KDM3B: variants seen among roughly 807,000 people sequenced by gnomAD.
KDM3B encodes the protein lysine demethylase 3B.
A neutral mutation model predicts 170.0 loss-of-function variants in KDM3B; 10 were observed. The observed-to-expected ratio is 0.06, with a 90% confidence interval of 0.04 to 0.10. The LOEUF is 0.10. KDM3B is among the 10% of genes least tolerant of loss of function. The pLI, the probability that KDM3B is intolerant of heterozygous loss-of-function variation, is 1.00. For missense variants in KDM3B, 1,394 were observed against 2,195.2 expected (o/e 0.64, Z 7.29); for synonymous variants, 831 against 834.8 (o/e 1.00, Z 0.08).
intron 17 of KDM3B, 94 bp downstream of exon 17, chr5:138,425,676 G>A: frequency 9.2e-7 from 1 of 1,086,204 alleles, no homozygotes; most frequent in Non-Finnish European, 1.3e-6. Context: ...TTATATTCTG[G>A]GGCATAATGG....
At chr5:138,393,146 T>C in intron 8 of KDM3B, 25 bp from the exon 9 acceptor site, 1 of 1,611,528 alleles carries the variant, frequency 6.2e-7, no homozygotes, top group Non-Finnish European at 8.5e-7. Flanking sequence ...CATGACAAAC[T>C]TTTCTTCTCT....
chr5:138,364,814 G>A (rs1235323023), intron 1 of KDM3B, among the ~76,000 whole-genome samples: 1 of 152,194 alleles, frequency 6.6e-6, no homozygotes, highest in Admixed American at 6.5e-5. Context: ...TGGGAGAGGT[G>A]GGATGCAAAT....
At position 138,419,062 on chromosome 5, in the gene KDM3B, A is replaced by G; in HGVS notation, c.3545A>G (p.Asp1182Gly). 2 of 1,614,234 alleles carry G rather than the reference A, an allele frequency of 1.2e-6. No homozygotes were observed. Among genetic ancestry groups the G allele is most frequent in the East Asian group, 2.2e-5 (1 of 44,892 alleles). ...TPEPDHVPKA[D>G]STDIRSEEPL... ...GAGCCGGACCATGTTCCCAAAGCCG[A>G]CAGCACTGACATCAGATCTGAAGAG... Residue 1182 changes from aspartate to glycine, a missense_variant, in exon 14 of 24, where the codon GAC (aspartate) becomes GGC (glycine). Physicochemically the swap from Asp to Gly is moderately conservative, Grantham distance 94 (BLOSUM62 -1). Transcript: ENST00000314358.
intron 2 of KDM3B, among the ~76,000 whole-genome samples, chr5:138,374,637 A>C (rs1416857920): frequency 6.6e-6 from 1 of 152,202 alleles, no homozygotes; most frequent in Non-Finnish European, 1.5e-5. Flanking sequence ...AGGTCTCTTC[A>C]TGACTTTTTT....
chr5:138,421,742 A>G (rs1763278306), intron 15 of KDM3B, among the ~76,000 whole-genome samples: 1 of 152,256 alleles, frequency 6.6e-6, no homozygotes, highest in South Asian at 2.1e-4. Flanking sequence ...AATATAAGTC[A>G]GATCATATCT....
chr5:138,425,049 T>C (rs1165605893), intron 16 of KDM3B, among the ~76,000 whole-genome samples: 2 of 152,176 alleles, frequency 1.3e-5, no homozygotes, highest in Non-Finnish European at 2.9e-5. Context: ...CACTCCCTAG[T>C]TTAAAAACTT....
intron 11 of KDM3B, among the ~76,000 whole-genome samples, chr5:138,411,138 T>C (rs908711242): frequency 1.3e-5 from 2 of 152,114 alleles, no homozygotes; most frequent in East Asian, 3.9e-4. Flanking sequence ...TTTTCGCTAC[T>C]GCTAGACCAC....
chr5:138,434,520 C>T (rs868691604), intron 23 of KDM3B, among the ~76,000 whole-genome samples: 23 of 148,110 alleles, frequency 1.6e-4, no homozygotes, highest in African/African-American at 5.3e-4. Context: ...TGCACTCCAG[C>T]GTGGGCAACA....
intron 10 of KDM3B, among the ~76,000 whole-genome samples, chr5:138,399,383 C>A (rs1762624552): frequency 6.6e-6 from 1 of 151,216 alleles, no homozygotes; most frequent in South Asian, 2.1e-4. Context: ...ACTAAAAATA[C>A]AAAAATTAGC....
intron 1 of KDM3B, among the ~76,000 whole-genome samples, chr5:138,361,863 T>C (rs1263511546): frequency 6.6e-6 from 1 of 152,224 alleles, no homozygotes; most frequent in African/African-American, 2.4e-5. Context: ...TTGTAGTTTT[T>C]CTTGTTATAG....
chr5:138,360,951 C>A (rs960327537), intron 1 of KDM3B, among the ~76,000 whole-genome samples: 6 of 152,166 alleles, frequency 3.9e-5, no homozygotes, highest in African/African-American at 1.4e-4. Flanking sequence ...GCCAAGGGTT[C>A]ATTCCCTTTT....
Position 138,435,769 on chromosome 5 carries a change from G to C in KDM3B, c.*69G>C. On this transcript the variant is annotated 3_prime_UTR_variant, in exon 24 of 24. Coordinates refer to ENST00000314358, the MANE Select transcript of KDM3B (RefSeq NM_016604.4). ...TCACAACACTTAACAGGGAACGGCA[G>C]GGCTCTTTGCTGGAGCAGAGGCCCT... The C allele has an allele frequency of 2.4e-6, 3 of 1,262,158 alleles. No individual in the cohort carries two copies. The highest frequency in any genetic ancestry group is 2.5e-5 in the South Asian group (2 of 79,126). 78.2% of individuals were successfully genotyped at this position (1,262,158 alleles called of 1,614,324 possible).
At chr5:138,418,119 G>A (rs1343989558) in intron 13 of KDM3B, 1 of 112,146 alleles carries the variant, frequency 8.9e-6, no homozygotes, top group Admixed American at 1.3e-4. Context: ...TTGCTCTGTT[G>A]CCCATACTGG....
At chr5:138,403,792 A>G (rs1580925305) in intron 11 of KDM3B, among the ~76,000 whole-genome samples, 1 of 151,460 alleles carries the variant, frequency 6.6e-6, no homozygotes, top group East Asian at 1.9e-4. Context: ...GAGGAGTTCA[A>G]TTCCAGCCTA....
chr5:138,407,843 C>T (rs1428285079), intron 11 of KDM3B, among the ~76,000 whole-genome samples: 2 of 152,134 alleles, frequency 1.3e-5, no homozygotes, highest in Non-Finnish European at 2.9e-5. Context: ...CGTCCAACAG[C>T]CCCTAATAGT....
rs1197462502 is a variant in KDM3B at position 138,352,896 on chromosome 5, C to G, written c.101C>G (p.Ala34Gly). Residue 34 changes from alanine to glycine, a missense_variant, in exon 1 of 24, where the codon GCG (alanine) becomes GGG (glycine). By Grantham distance (60) the Ala-to-Gly change is moderately conservative. This residue lies in a region of KDM3B where 99 missense variants were observed against 97.5 expected (regional missense o/e 1.02). Transcript: ENST00000314358. The part of the protein sequence containing the change: ...ASASAPAAAA[A>G]SGDPGPALRT... ...GCCTCGGCTCCCGCGGCGGCAGCGG[C>G]GAGCGGAGATCCGGGGCCTGCGCTG... The G allele has an allele frequency of 7.3e-7, 1 of 1,375,736 alleles. No individual in the cohort carries two copies. Among genetic ancestry groups the G allele is most frequent in the Non-Finnish European group, 9.4e-7 (1 of 1,062,330 alleles). 85.2% of individuals were successfully genotyped at this position (1,375,736 alleles called of 1,614,324 possible).
intron 20 of KDM3B, among the ~76,000 whole-genome samples, chr5:138,428,850 A>G (rs1202319216): frequency 6.6e-6 from 1 of 152,124 alleles, no homozygotes; most frequent in African/African-American, 2.4e-5. Context: ...TGTTAAAATT[A>G]ATACATGTTC....
Position 138,372,658 on chromosome 5 carries a change from T to C in KDM3B, c.193-16T>C, listed in dbSNP as rs753884903. ...TTTCCAAGTGTGACTTCCAAACTGC[T>C]TTTTATCTCTTGCAGATCTTTGTAG... is the stretch of plus-strand genomic sequence containing the variant. On this transcript the variant is annotated splice_polypyrimidine_tract_variant and intron_variant, in intron 1 of 23. Transcript: ENST00000314358. 2.5e-6 allele frequency: 4 copies of C among 1,606,388 alleles called. No homozygotes were observed. The highest frequency in any genetic ancestry group is 3.3e-4 in the Middle Eastern group (2 of 6,016).
intron 1 of KDM3B, among the ~76,000 whole-genome samples, chr5:138,357,139 A>C (rs1561752765): frequency 2.0e-5 from 3 of 151,896 alleles, no homozygotes. Context: ...GGCATGCGCC[A>C]CCGGGCCTGG....
Sources: gnomAD v4.1 joint callset for allele counts (sites outside exome capture counted in the v4.1 genomes callset) on GRCh38, gnomAD v4.1.1 for gene constraint, gnomAD v4.1.1 regional missense constraint, MANE v1.5 for transcripts, NCBI Gene and HGNC (gene_info 2026-07-23, HGNC 2026-07-21) for gene names.